GPM6A: variants seen among roughly 807,000 people sequenced by gnomAD.
The protein encoded by GPM6A is glycoprotein M6A, also known as neuronal membrane glycoprotein M6-a.
GPM6A carries 7 observed loss-of-function variants against 32.1 expected under a neutral mutation model. The observed-to-expected ratio is 0.22, with a 90% CI of 0.12 to 0.41. The LOEUF (loss-of-function observed/expected upper bound fraction) is 0.41. Among genes scored for constraint, GPM6A ranks in the 10% least tolerant of loss-of-function variants. GPM6A has a pLI of 1.00. For synonymous variants in GPM6A, 130 were observed against 123.4 expected, an observed-to-expected ratio of 1.05 and a Z score of -0.35; for missense variants, 235 against 347.2, an observed-to-expected ratio of 0.68 and a Z score of 2.57.
intron 1 of GPM6A, among the ~76,000 whole-genome samples, chr4:175,867,749 A>T (rs552047008): frequency 6.6e-6 from 1 of 152,202 alleles, no homozygotes; most frequent in Non-Finnish European, 1.5e-5. Context: ...TTTCCTTCAA[A>T]GTGATGTATT....
chr4:175,873,293 C>T (rs944678714), intron 1 of GPM6A, among the ~76,000 whole-genome samples: 1 of 151,656 alleles, frequency 6.6e-6, no homozygotes, highest in Non-Finnish European at 1.5e-5. Flanking sequence ...GAAAATTTAT[C>T]AGCAAGACTG....
chr4:175,944,023 G>T (rs924173486), intron 1 of GPM6A, among the ~76,000 whole-genome samples: 5 of 151,958 alleles, frequency 3.3e-5, no homozygotes, highest in African/African-American at 1.2e-4. Context: ...GCTTTTTTTG[G>T]TTGGCAGGCT....
chr4:175,714,053 G>A (rs1306847768), intron 1 of GPM6A, among the ~76,000 whole-genome samples: 1 of 151,778 alleles, frequency 6.6e-6, no homozygotes, highest in Admixed American at 6.6e-5. Flanking sequence ...TTTGTGGATG[G>A]GTATCAAAAT....
chr4:175,860,234 G>C (rs1174056073), intron 1 of GPM6A, among the ~76,000 whole-genome samples: 1 of 150,692 alleles, frequency 6.6e-6, no homozygotes, highest in Non-Finnish European at 1.5e-5. Context: ...TGAAACAATA[G>C]AGAAAAATCA....
chr4:175,781,953 C>T (rs146613561), intron 1 of GPM6A, among the ~76,000 whole-genome samples: 1 of 152,214 alleles, frequency 6.6e-6, no homozygotes, highest in East Asian at 1.9e-4. Context: ...ATTCAAAGGT[C>T]ATCTAGCACA....
chr4:175,847,289 T>C (rs73008157), intron 1 of GPM6A, among the ~76,000 whole-genome samples: 3,862 of 152,286 alleles, frequency 0.025, 150 homozygotes, highest in African/African-American at 0.086. Flanking sequence ...ATTTCACTTA[T>C]ATGCATTATT....
chr4:175,690,280 A>G (rs568562635), intron 2 of GPM6A, among the ~76,000 whole-genome samples: 6 of 152,378 alleles, frequency 3.9e-5, no homozygotes, highest in African/African-American at 9.6e-5. Context: ...TGGCAATTAT[A>G]GCAAATATAA....
intron 6 of GPM6A, among the ~76,000 whole-genome samples, chr4:175,636,976 A>C (rs1446725887): frequency 9.1e-6 from 1 of 109,784 alleles, no homozygotes. Flanking sequence ...ATATTTATAT[A>C]TGTAAATATA....
intron 1 of GPM6A, chr4:175,787,779 C>G (rs1733858090): frequency 4.6e-6 from 1 of 218,512 alleles, no homozygotes; most frequent in Non-Finnish European, 8.0e-6. Context: ...ACAGCTTTAC[C>G]TTACAGAATA....
intron 6 of GPM6A, among the ~76,000 whole-genome samples, chr4:175,638,369 G>A (rs1390572232): frequency 6.6e-6 from 1 of 151,960 alleles, no homozygotes; most frequent in African/African-American, 2.4e-5. Flanking sequence ...AATCATTTAA[G>A]CTAGTATGGG....
At chr4:175,862,734 CT>C (rs1040876363) in intron 1 of GPM6A, among the ~76,000 whole-genome samples, 3,802 of 146,824 alleles carry the variant, frequency 0.026, 143 homozygotes, top group African/African-American at 0.086. Flanking sequence ...ATGTTTTTGT[CT>C]TTTTTTTTTT....
At chr4:175,911,734 T>G (rs1738325203) in intron 1 of GPM6A, among the ~76,000 whole-genome samples, 1 of 152,064 alleles carries the variant, frequency 6.6e-6, no homozygotes, top group African/African-American at 2.4e-5. Context: ...TAACCCAAAC[T>G]AGGATTATAT....
At chr4:175,970,861 C>T (rs778519285) in intron 1 of GPM6A, 1 of 456,124 alleles carries the variant, frequency 2.2e-6, no homozygotes, top group Non-Finnish European at 4.4e-6. Flanking sequence ...TTGTTAGATC[C>T]ACTGCTCTTA....
chr4:175,891,433 T>C (rs1164032204), intron 1 of GPM6A: 1 of 152,188 alleles, frequency 6.6e-6, no homozygotes, highest in Admixed American at 6.5e-5. Flanking sequence ...TGGAGCAAAG[T>C]CCCACTTCCT....
intron 1 of GPM6A, among the ~76,000 whole-genome samples, chr4:175,978,282 C>G (rs1461280404): frequency 6.6e-6 from 1 of 152,126 alleles, no homozygotes; most frequent in African/African-American, 2.4e-5. Flanking sequence ...AGAAGGGAGA[C>G]TTCCAAACAC....
intron 1 of GPM6A, among the ~76,000 whole-genome samples, chr4:175,804,153 T>C (rs1365187710): frequency 6.6e-6 from 1 of 152,184 alleles, no homozygotes; most frequent in Non-Finnish European, 1.5e-5. Context: ...CAAACATTGC[T>C]CAATCCTTAT....
intron 1 of GPM6A, among the ~76,000 whole-genome samples, chr4:175,884,316 A>G (rs1301608955): frequency 1.3e-5 from 2 of 152,214 alleles, no homozygotes; most frequent in African/African-American, 2.4e-5. Context: ...ACTAGTGATG[A>G]TTCACATCAT....
At chr4:175,666,237 A>G (rs1035536385) in intron 3 of GPM6A, among the ~76,000 whole-genome samples, 4 of 151,982 alleles carry the variant, frequency 2.6e-5, no homozygotes, top group Non-Finnish European at 5.9e-5. Context: ...TGTACTTTTG[A>G]CCCGTGTTCC....
chr4:175,668,616 T>C (rs1272626881), intron 3 of GPM6A, among the ~76,000 whole-genome samples: 1 of 151,364 alleles, frequency 6.6e-6, no homozygotes, highest in Non-Finnish European at 1.5e-5. Flanking sequence ...GAAATTCATC[T>C]TAGGCCTCCT....
Sources: allele counts gnomAD v4.1 joint callset (sites outside exome capture counted in the v4.1 genomes callset), GRCh38; gene constraint gnomAD v4.1.1; transcripts MANE v1.5; gene names NCBI Gene and HGNC (gene_info 2026-07-23, HGNC 2026-07-21).